PRRC2C: variants seen among roughly 807,000 people sequenced by gnomAD.
PRRC2C encodes the protein proline rich coiled-coil 2C.
PRRC2C carries 72 observed loss-of-function variants against 317.2 expected under a neutral mutation model. That is an observed-to-expected ratio of 0.23 (90% confidence interval 0.19 to 0.28). PRRC2C has a LOEUF of 0.28. PRRC2C is among the 10% of genes least tolerant of loss of function. The probability of loss-of-function intolerance (pLI) is 1.00; values close to 1 mark genes in which losing one functional copy is unlikely to be tolerated. For missense variants in PRRC2C, 3,074 were observed against 3,459.7 expected, an observed-to-expected ratio of 0.89 and a Z score of 2.80; for synonymous variants, 1,296 against 1,205.9, an observed-to-expected ratio of 1.07 and a Z score of -1.55.
intron 30 of PRRC2C, among the ~76,000 whole-genome samples, chr1:171,586,427 C>T: frequency 6.6e-6 from 1 of 151,338 alleles, no homozygotes; most frequent in Non-Finnish European, 1.5e-5. Context: ...GTCATATCAG[C>T]CTCTCAGAAA....
chr1:171,564,005 C>T (rs1683175204), intron 20 of PRRC2C, among the ~76,000 whole-genome samples: 1 of 152,144 alleles, frequency 6.6e-6, no homozygotes, highest in Non-Finnish European at 1.5e-5. Flanking sequence ...ATTTTTCTCT[C>T]ATACCTTTTT....
At position 171,551,252 on chromosome 1, in the gene PRRC2C, G is replaced by A. The variant is rs563532341; in HGVS notation, c.5127+1012G>A. ...ATTTTTTCATGTGTCTGCTGGCTGC[G>A]TATATGTCTTCTTTTGAAAAGTGTC... On this transcript the variant is annotated intron_variant, in intron 18 of 34. Coordinates refer to ENST00000647382, the MANE Select transcript of PRRC2C (RefSeq NM_001387844.1). Among the ~76,000 whole-genome samples, 11 of 152,254 alleles carry A rather than the reference G, an allele frequency of 7.2e-5. 1 individual carries two copies. The East Asian group carries it at 1.7e-3, about 24-fold the overall frequency.
intron 30 of PRRC2C, among the ~76,000 whole-genome samples, chr1:171,586,109 C>G (rs1203796111): frequency 7.8e-6 from 1 of 128,900 alleles, no homozygotes; most frequent in Non-Finnish European, 1.6e-5. Flanking sequence ...CTCACCCAGG[C>G]TGGAGTGCAG....
intron 9 of PRRC2C, among the ~76,000 whole-genome samples, chr1:171,524,002 C>T (rs1262628452): frequency 6.6e-6 from 1 of 151,554 alleles, no homozygotes; most frequent in Non-Finnish European, 1.5e-5. Flanking sequence ...TGCCACTGCA[C>T]TCCAGTCTGG....
At chr1:171,516,027 G>A (rs1389140052) in intron 5 of PRRC2C, among the ~76,000 whole-genome samples, 168 bp downstream of exon 5, 2 of 152,214 alleles carry the variant, frequency 1.3e-5, no homozygotes, top group African/African-American at 2.4e-5. Context: ...CAGTATCACT[G>A]TAACTTGAGA....
intron 28 of PRRC2C, among the ~76,000 whole-genome samples, chr1:171,580,334 A>C (rs1050495195): frequency 1.1e-4 from 17 of 152,332 alleles, no homozygotes; most frequent in Admixed American, 6.5e-4. Flanking sequence ...TAACTACATC[A>C]TGTTAGGGGG....
intron 25 of PRRC2C, among the ~76,000 whole-genome samples, chr1:171,575,816 GA>G: frequency 6.6e-6 from 1 of 152,056 alleles, no homozygotes; most frequent in East Asian, 1.9e-4. Flanking sequence ...TTCTTCTGTT[GA>G]AAAAATAAAA....
intron 1 of PRRC2C, chr1:171,509,662 G>A (rs1292343063): frequency 6.6e-6 from 1 of 151,826 alleles, no homozygotes; most frequent in Non-Finnish European, 1.5e-5. Context: ...CTTATAATAA[G>A]TCGGTAGGTC....
chr1:171,590,267 G>A (rs761372212), intron 34 of PRRC2C, among the ~76,000 whole-genome samples: 13 of 152,204 alleles, frequency 8.5e-5, no homozygotes, highest in Non-Finnish European at 1.9e-4. Context: ...CCTTCATGAT[G>A]AAAGGCACTG....
rs1032432514 is a variant in PRRC2C, at chr1:171,567,772, A to T, written c.6559-475A>T. ...TAGTAGTTGAAATGCTATCATTTTG[A>T]TCGTGAGTCCATGTTGTATTATTCC... On this transcript the variant is annotated intron_variant, in intron 22 of 34. Coordinates refer to ENST00000647382, the MANE Select transcript of PRRC2C (RefSeq NM_001387844.1). Among the ~76,000 whole-genome samples the T allele has an allele frequency of 2.0e-5, 3 of 152,232 alleles. No individual in the cohort carries two copies. In the East Asian group the frequency reaches 5.8e-4, roughly 29 times the overall value.
intron 20 of PRRC2C, among the ~76,000 whole-genome samples, chr1:171,564,050 T>C (rs774030262): frequency 1.3e-5 from 2 of 152,206 alleles, no homozygotes; most frequent in Admixed American, 1.3e-4. Flanking sequence ...GTTTTCTGGA[T>C]GGAAGATGAT....
At chr1:171,582,870 AC>A (rs1558049704) in intron 28 of PRRC2C, among the ~76,000 whole-genome samples, 2 of 151,148 alleles carry the variant, frequency 1.3e-5, no homozygotes, top group African/African-American at 2.4e-5. Flanking sequence ...AAAAAAAAAA[AC>A]AAATTTTTCT....
chr1:171,584,282 T>C, intron 29 of PRRC2C, 95 bp downstream of exon 29: 2 of 1,379,578 alleles, frequency 1.4e-6, no homozygotes, highest in South Asian at 1.4e-5. Flanking sequence ...TGTTAGAAGA[T>C]GCAATGAAAA....
At position 171,532,522 on chromosome 1, in the gene PRRC2C, A is replaced by G. The variant is rs1676063481; in HGVS notation, c.1434A>G (p.Gln478=). 6.2e-7 allele frequency: 1 copy of G among 1,604,982 alleles called. No individual in the cohort carries two copies. The highest frequency in any genetic ancestry group is 8.5e-7 in the Non-Finnish European group (1 of 1,175,778). The change falls in exon 12 of 35, where the codon CAA becomes CAG. Residue 478 remains glutamine, a synonymous_variant. Transcript: ENST00000647382. ...REEEERRMEE[Q]RKAACAEKLK... is the part of the protein sequence containing the mutation. ...AGGAAGAGCGAAGAATGGAAGAACA[A>G]AGGAAGGCAGCTTGTGCGGAGAAAC...
chr1:171,557,305 T>G lies in PRRC2C; in HGVS notation c.5193T>G (p.Phe1731Leu). The G allele has an allele frequency of 6.4e-7, 1 of 1,551,998 alleles. No homozygotes were observed. The highest frequency in any genetic ancestry group is 8.7e-7 in the Non-Finnish European group (1 of 1,147,038). ...AGACTTCTAAGCTTCCTCCAAGATT[T>G]GCCAAAAAACAGGCTACAGGGATCC... ...RSQTSKLPPRFAKKQATGIQQ... is the reference protein window; with the variant it reads ...RSQTSKLPPRLAKKQATGIQQ... The change falls in exon 19 of 35, where the codon TTT becomes TTG. Residue 1731 changes from phenylalanine (F) to leucine (L), a missense_variant. By Grantham distance (22) the Phe-to-Leu change is conservative. Coordinates refer to ENST00000647382, the MANE Select transcript of PRRC2C (RefSeq NM_001387844.1).
chr1:171,557,447 G>A lies in PRRC2C; in HGVS notation c.5335G>A (p.Val1779Ile). Residue 1779 changes from valine (V) to isoleucine (I), a missense_variant, in exon 19 of 35, where the codon GTT becomes ATT. Physicochemically the swap from Val to Ile is conservative, Grantham distance 29. This residue lies in a region of PRRC2C where 640 missense variants were observed against 676.1 expected (regional missense o/e 0.95). Transcript: ENST00000647382. ...TCCACTTCCGGCAACCTTAACTCCA[G>A]TTCCAGCCTCAACCTCAGCTCCGGT... ...SAPLPATLTP[V>I]PASTSAPVPA... 6.5e-7 allele frequency: 1 copy of A among 1,545,856 alleles called. No individual in the cohort carries two copies. The highest frequency in any genetic ancestry group is 8.7e-7 in the Non-Finnish European group (1 of 1,143,062).
intron 1 of PRRC2C, among the ~76,000 whole-genome samples, chr1:171,486,707 G>C (rs557288459): frequency 6.6e-6 from 1 of 152,244 alleles, no homozygotes; most frequent in East Asian, 1.9e-4. Flanking sequence ...ACAGTAGGCG[G>C]CTCTGCTGTA....
intron 30 of PRRC2C, 44 bp from the exon 31 acceptor site, chr1:171,586,959 A>G: frequency 1.4e-6 from 2 of 1,406,004 alleles, no homozygotes; most frequent in Non-Finnish European, 2.0e-6. Flanking sequence ...TGTCTGTAGT[A>G]AACAGAAACA....
rs1284581250 is a variant in PRRC2C at position 171,573,774 on chromosome 1, G to A, written c.6754-1153G>A. Among the ~76,000 whole-genome samples the A allele has an allele frequency of 2.7e-5, 4 of 147,478 alleles. No individual in the cohort carries two copies. In the East Asian group the frequency reaches 8.1e-4, roughly 30 times the overall value. On this transcript the variant is annotated intron_variant, in intron 24 of 34. Transcript: ENST00000647382. Reference sequence around the variant, plus strand: ...GCTCACTGCAACCTCTGCCTCCCGGGTTCACGCAATTCTCCTGCCTCAGCC... The same window carrying A: ...GCTCACTGCAACCTCTGCCTCCCGGATTCACGCAATTCTCCTGCCTCAGCC...
Sources: gnomAD v4.1 joint callset for allele counts (sites outside exome capture counted in the v4.1 genomes callset) on GRCh38, gnomAD v4.1.1 for gene constraint, gnomAD v4.1.1 regional missense constraint, MANE v1.5 for transcripts, NCBI Gene and HGNC (gene_info 2026-07-23, HGNC 2026-07-21) for gene names.